NECTIN1: variants seen among roughly 807,000 people sequenced by gnomAD.
NECTIN1 encodes nectin cell adhesion molecule 1.
In NECTIN1, 23 loss-of-function variants were observed where a neutral mutation model predicts 48.0. The ratio of observed to expected loss-of-function variants is 0.48; its 90% CI spans 0.34 to 0.68. The LOEUF is 0.68. NECTIN1 is among the 30% of genes least tolerant of loss of function. NECTIN1 has a pLI of 0.01. For synonymous variants in NECTIN1, 270 were observed against 288.9 expected, an observed-to-expected ratio of 0.93 and a Z score of 0.66; for missense variants, 591 against 709.9, an observed-to-expected ratio of 0.83 and a Z score of 1.90.
chr11:119,640,998 G>A (rs1864314477), intron 5 of NECTIN1: 1 of 152,198 alleles, frequency 6.6e-6, no homozygotes, highest in African/African-American at 2.4e-5. Context: ...AAGTGGAATT[G>A]ACAAGTCCCT....
intron 1 of NECTIN1, among the ~76,000 whole-genome samples, chr11:119,687,978 G>C (rs1226181727): frequency 6.6e-6 from 1 of 152,210 alleles, no homozygotes; most frequent in African/African-American, 2.4e-5. Flanking sequence ...GGGAGTTCTA[G>C]GGGTTGTGTA....
chr11:119,704,217 G>A (rs1177063292), intron 1 of NECTIN1, among the ~76,000 whole-genome samples: 3 of 151,806 alleles, frequency 2.0e-5, no homozygotes, highest in Non-Finnish European at 4.4e-5. Flanking sequence ...GACCACCCCA[G>A]TGTTTCCTTT....
chr11:119,694,087 G>A (rs1383902127), intron 1 of NECTIN1, among the ~76,000 whole-genome samples: 1 of 152,218 alleles, frequency 6.6e-6, no homozygotes, highest in South Asian at 2.1e-4. Flanking sequence ...AGACCAGGCT[G>A]AGCATTGGTC....
chr11:119,697,212 G>C (rs1434500366), intron 1 of NECTIN1, among the ~76,000 whole-genome samples: 3 of 152,320 alleles, frequency 2.0e-5, no homozygotes, highest in South Asian at 2.1e-4. Flanking sequence ...CCGAGAGAGG[G>C]GGGTAGGGAA....
At chr11:119,659,842 T>C (rs1864631603), downstream of NECTIN1, among the ~76,000 whole-genome samples, 1 of 152,238 alleles carries the variant, frequency 6.6e-6, no homozygotes, top group Admixed American at 6.5e-5. Flanking sequence ...AATAATGTAA[T>C]TACGCATTTA....
At chr11:119,693,336 G>A (rs138197960) in intron 1 of NECTIN1, among the ~76,000 whole-genome samples, 164 of 152,302 alleles carry the variant, frequency 1.1e-3, no homozygotes, top group Non-Finnish European at 1.2e-3. Flanking sequence ...GGAATGCTGA[G>A]CACCTCTGAA....
chr11:119,698,350 C>T (rs902278583), intron 1 of NECTIN1, among the ~76,000 whole-genome samples: 1 of 152,260 alleles, frequency 6.6e-6, no homozygotes, highest in Admixed American at 6.5e-5. Flanking sequence ...TAAATTGTCT[C>T]TTCCCCTTCT....
At chr11:119,652,695 G>A (rs913242950) in intron 5 of NECTIN1, among the ~76,000 whole-genome samples, 1 of 152,180 alleles carries the variant, frequency 6.6e-6, no homozygotes, top group Non-Finnish European at 1.5e-5. Context: ...AAGAGTGGGC[G>A]AGAAGCAGAG....
intron 1 of NECTIN1, among the ~76,000 whole-genome samples, chr11:119,701,836 C>G (rs1460110271): frequency 1.3e-5 from 2 of 152,170 alleles, no homozygotes; most frequent in African/African-American, 4.8e-5. Context: ...CAGGGGCAGC[C>G]CAAATCCACC....
At chr11:119,701,613 C>T (rs188201156) in intron 1 of NECTIN1, among the ~76,000 whole-genome samples, 15 of 152,108 alleles carry the variant, frequency 9.9e-5, no homozygotes, top group Admixed American at 3.3e-4. Context: ...CAAACCTGGC[C>T]TCTCCCAGAC....
chr11:119,657,485 C>T (rs764077079), downstream of NECTIN1, among the ~76,000 whole-genome samples: 22 of 151,106 alleles, frequency 1.5e-4, no homozygotes, highest in Non-Finnish European at 3.2e-4. Context: ...CGTGGTGGCA[C>T]GTGCCTGTAG....
chr11:119,655,800 G>C lies in NECTIN1; in HGVS notation c.1004-15788C>G, dbSNP rs575027427. 5.3e-5 allele frequency among the ~76,000 whole-genome samples: 8 copies of C among 152,250 alleles called. No homozygotes were observed. The East Asian group carries it at 1.5e-3, about 29-fold the overall frequency. On this transcript the variant is annotated intron_variant, in intron 5 of 7. Transcript: ENST00000341398. ...TGTGGCATCAGGGCTTACTTTGAGA[G>C]GTAATGAATTGCCCAGCACCAGAGG... is the stretch of plus-strand genomic sequence containing the variant.
In NECTIN1 at chr11:119,673,965, C is replaced by T. The variant is rs958281945; in HGVS notation, c.1003+1194G>A. ...ACAACAGCAGGTGGCTCCACACTCC[C>T]GCCCCTGGGTGAGAGACGTGACAGA... On this transcript the variant is annotated intron_variant, in intron 5 of 5. Coordinates refer to ENST00000264025, the MANE Select transcript of NECTIN1 (RefSeq NM_002855.5). This position sits in a 1 kb window ranked among gnomAD's most constrained non-coding sequence, Gnocchi z 5.8. Among the ~76,000 whole-genome samples, 9 of 152,318 alleles carry T rather than the reference C, an allele frequency of 5.9e-5. No individual in the cohort carries two copies. The highest frequency in any genetic ancestry group is 3.9e-4 in the East Asian group (2 of 5,176).
intron 5 of NECTIN1, among the ~76,000 whole-genome samples, chr11:119,651,521 G>A (rs978550959): frequency 6.6e-6 from 1 of 152,092 alleles, no homozygotes; most frequent in African/African-American, 2.4e-5. Context: ...TTTCCCTGGA[G>A]CCCCTTCTCT....
At chr11:119,713,877 A>G (rs1454583020) in intron 1 of NECTIN1, 1 of 455,852 alleles carries the variant, frequency 2.2e-6, no homozygotes, top group African/African-American at 2.0e-5. Flanking sequence ...GTTGCTTGCC[A>G]GTGAGATGTC....
chr11:119,693,656 C>T (rs1865299147), intron 1 of NECTIN1, among the ~76,000 whole-genome samples: 1 of 152,188 alleles, frequency 6.6e-6, no homozygotes, highest in Non-Finnish European at 1.5e-5. Context: ...TGAGTTGGGG[C>T]ACTGGGGTCC....
chr11:119,681,120 G>A (rs1261027061), intron 1 of NECTIN1, among the ~76,000 whole-genome samples: 1 of 152,238 alleles, frequency 6.6e-6, no homozygotes, highest in Admixed American at 6.5e-5. Context: ...TGGGCCAGAC[G>A]GCCCAGTACT....
intron 5 of NECTIN1, among the ~76,000 whole-genome samples, chr11:119,653,772 T>G (rs2135533873): frequency 6.6e-6 from 1 of 152,356 alleles, no homozygotes; most frequent in Non-Finnish European, 1.5e-5. Context: ...TTCTGTTGAG[T>G]GCTTTACAAG....
intron 5 of NECTIN1, among the ~76,000 whole-genome samples, chr11:119,653,446 C>T (rs899915844): frequency 8.5e-5 from 13 of 152,172 alleles, no homozygotes; most frequent in African/African-American, 2.4e-4. Flanking sequence ...TGGCCCGGCG[C>T]GGGGATCCCA....
Sources: gnomAD v4.1 joint callset for allele counts (sites outside exome capture counted in the v4.1 genomes callset) on GRCh38, gnomAD v4.1.1 for gene constraint, Gnocchi (gnomAD v3.1) non-coding constraint, MANE v1.5 for transcripts, NCBI Gene and HGNC (gene_info 2026-07-23, HGNC 2026-07-21) for gene names.